HPGDS: variants seen among roughly 807,000 people sequenced by gnomAD.
HPGDS encodes GST class-sigma.
A neutral mutation model predicts 23.1 loss-of-function variants in HPGDS; 26 were observed. The ratio of observed to expected loss-of-function variants is 1.13; its 90% CI spans 0.83 to 1.56. The LOEUF is 1.56. Ranked by LOEUF, HPGDS falls within the 40% of genes most tolerant of loss-of-function variation. The probability of loss-of-function intolerance (pLI) is 0.00; values close to 1 mark genes in which losing one functional copy is unlikely to be tolerated. For missense variants in HPGDS, 268 were observed against 236.4 expected, an observed-to-expected ratio of 1.13 and a Z score of -0.88; for synonymous variants, 95 against 77.9, an observed-to-expected ratio of 1.22 and a Z score of -1.16.
chr4:94,301,333 T>C (rs141595155), intron 5 of HPGDS, among the ~76,000 whole-genome samples: 8 of 152,306 alleles, frequency 5.3e-5, no homozygotes, highest in Middle Eastern at 3.4e-3. Flanking sequence ...TAGTATCTGG[T>C]TGTCTAACTT....
chr4:94,330,450 G>A (rs761927239), intron 2 of HPGDS, among the ~76,000 whole-genome samples: 11 of 151,906 alleles, frequency 7.2e-5, no homozygotes, highest in East Asian at 5.8e-4. Flanking sequence ...TTTCCATGAC[G>A]TCTTTAAAGA....
chr4:94,303,739 G>C (rs1756088964), intron 4 of HPGDS: 3 of 152,068 alleles, frequency 2.0e-5, no homozygotes, highest in Admixed American at 6.6e-5. Flanking sequence ...TTGATTGTTG[G>C]ACAACTTTCC....
In HPGDS at chr4:94,302,349, G is replaced by C. The variant is rs369855437; in HGVS notation, c.337-105C>G. 56 of 743,670 alleles carry C rather than the reference G, an allele frequency of 7.5e-5. 1 individual carries two copies. Among genetic ancestry groups the C allele is most frequent in the African/African-American group, 4.5e-4 (25 of 56,078 alleles). 46.1% of individuals were successfully genotyped at this position (743,670 alleles called of 1,614,324 possible). On this transcript the variant is annotated intron_variant, in intron 4 of 5. Coordinates refer to ENST00000295256, the MANE Select transcript of HPGDS (RefSeq NM_014485.3). ...TCTTTATTCTCCCACATGAATTCAA[G>C]AAGAAAGAGAAGTAGCTAGATTTTT...
chr4:94,322,654 T>C (rs1223776547), intron 2 of HPGDS, among the ~76,000 whole-genome samples: 1 of 152,190 alleles, frequency 6.6e-6, no homozygotes, highest in African/African-American at 2.4e-5. Flanking sequence ...CTTCTCTCTT[T>C]TCTTCTTTAT....
rs1305452670 is a variant in HPGDS at position 94,313,506 on chromosome 4, A to C, written c.226+4367T>G. Among the ~76,000 whole-genome samples, 3 of 150,018 alleles carry C rather than the reference A, an allele frequency of 2.0e-5. No homozygotes were observed. The South Asian group carries it at 6.4e-4, about 32-fold the overall frequency. On this transcript the variant is annotated intron_variant, in intron 3 of 5. Transcript: ENST00000295256. Reference sequence around the variant, plus strand: ...CTTGTAGAGTTTCTGCTGAGAGATCAGCTGTTAGTCTGATGGGCTTTCCTT... The same window carrying C: ...CTTGTAGAGTTTCTGCTGAGAGATCCGCTGTTAGTCTGATGGGCTTTCCTT...
At chr4:94,322,315 T>G (rs1346421616) in intron 2 of HPGDS, among the ~76,000 whole-genome samples, 2 of 152,314 alleles carry the variant, frequency 1.3e-5, no homozygotes, top group East Asian at 3.9e-4. Flanking sequence ...TTCTATTGAT[T>G]GGAATAGTTT....
At chr4:94,311,393 A>G (rs1418410495) in intron 3 of HPGDS, among the ~76,000 whole-genome samples, 2 of 151,360 alleles carry the variant, frequency 1.3e-5, no homozygotes, top group Non-Finnish European at 2.9e-5. Flanking sequence ...TATTGAGATA[A>G]TCATGTGGTT....
intron 2 of HPGDS, among the ~76,000 whole-genome samples, chr4:94,331,827 T>C (rs1281546140): frequency 6.6e-6 from 1 of 152,162 alleles, no homozygotes; most frequent in African/African-American, 2.4e-5. Flanking sequence ...GTGGTCACAG[T>C]GCTTCTTCAC....
At position 94,341,720 on chromosome 4, in the gene HPGDS, G is replaced by T. The variant is rs987702116; in HGVS notation, c.-10+1075C>A. ...AAAAACAAAGATTACTTGTGAATTT[G>T]CTATAGCTCTTCTTTGAGTTTAAGA... On this transcript the variant is annotated intron_variant, in intron 1 of 5. Transcript: ENST00000295256. Among the ~76,000 whole-genome samples, 3 of 152,172 alleles carry T rather than the reference G, an allele frequency of 2.0e-5. No homozygotes were observed. The South Asian group carries it at 6.2e-4, about 32-fold the overall frequency.
At chr4:94,314,717 G>T (rs1436163553) in intron 3 of HPGDS, among the ~76,000 whole-genome samples, 1 of 152,152 alleles carries the variant, frequency 6.6e-6, no homozygotes, top group Non-Finnish European at 1.5e-5. Flanking sequence ...CTTTTGTTTG[G>T]CTATGCCCTG....
rs561975299 is a variant in HPGDS at position 94,337,074 on chromosome 4, C to T, written c.-9-2436G>A. Among the ~76,000 whole-genome samples, 132 of 152,240 alleles carry T rather than the reference C, an allele frequency of 8.7e-4. 1 individual carries two copies. Among genetic ancestry groups the T allele is most frequent in the Non-Finnish European group, 1.6e-3 (109 of 68,026 alleles). ...CCGCCTCCTGGATTCAAGCAATTCT[C>T]CTGCCTCAGCCTCCTGAGTAGCTGG... On this transcript the variant is annotated intron_variant, in intron 1 of 5. Coordinates refer to ENST00000295256, the MANE Select transcript of HPGDS (RefSeq NM_014485.3).
Position 94,299,332 on chromosome 4 carries a change from C to A in HPGDS, c.*148G>T. On this transcript the variant is annotated 3_prime_UTR_variant, in exon 6 of 6. Transcript: ENST00000295256. ...TGAAGAAAGATTTGTTTTTATTTTC[C>A]TTTTTAAAAATCAGAATATGGCTAA... 4.3e-5 allele frequency: 27 copies of A among 623,664 alleles called. No individual in the cohort carries two copies. The highest frequency in any genetic ancestry group is 3.5e-4 in the South Asian group (8 of 23,026). 38.6% of individuals were successfully genotyped at this position (623,664 alleles called of 1,614,324 possible).
Position 94,299,557 on chromosome 4 carries a change from C to T in HPGDS, c.523G>A (p.Val175Met). 1.2e-6 allele frequency: 2 copies of T among 1,613,958 alleles called. No individual in the cohort carries two copies. The highest frequency in any genetic ancestry group is 1.1e-5 in the South Asian group (1 of 91,058). Residue 175 changes from valine (V) to methionine (M), a missense_variant, in exon 6 of 6, where the codon GTG becomes ATG. Physicochemically the swap from Val to Met is conservative, Grantham distance 21. Coordinates refer to ENST00000295256, the MANE Select transcript of HPGDS (RefSeq NM_014485.3). The stretch of plus-strand genomic sequence containing the variant: ...GCTTGGACTTTCTTCCGTAAAGTCA[C>T]CAGCCTTGGATGGTTGTCTAACAGG... ...PDLLDNHPRL[V>M]TLRKKVQAIP...
chr4:94,311,151 T>A (rs1460036301), intron 3 of HPGDS, among the ~76,000 whole-genome samples: 1 of 152,210 alleles, frequency 6.6e-6, no homozygotes, highest in South Asian at 2.1e-4. Flanking sequence ...CTGATTGCCC[T>A]GGCCAGAACT....
At chr4:94,340,317 T>TTTCTTTTC (rs1721131118) in intron 1 of HPGDS, among the ~76,000 whole-genome samples, 5 of 16,500 alleles carry the variant, frequency 3.0e-4, no homozygotes, top group Admixed American at 1.5e-3. Context: ...TTCTCTTTTT[T>TTTCTTTTC]TTTTTTTTTT....
chr4:94,308,365 ATATT>A (rs1291321774), intron 4 of HPGDS, among the ~76,000 whole-genome samples: 1 of 152,146 alleles, frequency 6.6e-6, no homozygotes, highest in African/African-American at 2.4e-5. Flanking sequence ...AGAGGAAGTC[ATATT>A]TATTTATCCT....
rs757761768 is a variant in HPGDS, at chr4:94,302,256, A to AG, written c.337-13dup. 3.8e-6 allele frequency: 6 copies of AG among 1,563,708 alleles called. No homozygotes were observed. The South Asian group carries it at 6.8e-5, about 18-fold the overall frequency. On this transcript the variant is annotated splice_polypyrimidine_tract_variant and intron_variant, in intron 4 of 5. Coordinates refer to ENST00000295256, the MANE Select transcript of HPGDS (RefSeq NM_014485.3). ...TTGAACATCTGCTCCTAGGAGAAGG[A>AG]GAAAATATCACTTTAAGAATAATGA...
At chr4:94,304,736 G>T (rs1449044823) in intron 4 of HPGDS, among the ~76,000 whole-genome samples, 3 of 152,212 alleles carry the variant, frequency 2.0e-5, no homozygotes, top group South Asian at 4.1e-4. Flanking sequence ...AACTTGGATT[G>T]CTGTGTCCTT....
At chr4:94,299,825 A>G (rs1017004354) in intron 5 of HPGDS, among the ~76,000 whole-genome samples, 181 bp from the exon 6 acceptor site, 1 of 152,240 alleles carries the variant, frequency 6.6e-6, no homozygotes, top group African/African-American at 2.4e-5. Flanking sequence ...CAATCAGGTT[A>G]CTACTATTAA....
Sources: gnomAD v4.1 joint callset for allele counts (sites outside exome capture counted in the v4.1 genomes callset) on GRCh38, gnomAD v4.1.1 for gene constraint, MANE v1.5 for transcripts, NCBI Gene and HGNC (gene_info 2026-07-23, HGNC 2026-07-21) for gene names.